Variants in PRR5L observed in about 807,000 individuals in gnomAD.
The protein encoded by PRR5L is proline-rich protein 5-like.
A neutral mutation model predicts 36.4 loss-of-function variants in PRR5L; 21 were observed. The observed-to-expected ratio is 0.58, with a 90% confidence interval of 0.41 to 0.83. The LOEUF (loss-of-function observed/expected upper bound fraction) is 0.83. PRR5L is among the 40% of genes least tolerant of loss of function. The pLI is 0.00. For synonymous variants in PRR5L, 188 were observed against 197.0 expected, an observed-to-expected ratio of 0.95 and a Z score of 0.38; for missense variants, 381 against 473.3, an observed-to-expected ratio of 0.80 and a Z score of 1.81.
At chr11:36,405,415 A>G (rs6484844) in intron 3 of PRR5L, among the ~76,000 whole-genome samples, 34,851 of 152,180 alleles carry the variant, frequency 0.23, 5,670 homozygotes, top group African/African-American at 0.47. Flanking sequence ...TGGATTGAAT[A>G]TGGCCAAGAA....
At chr11:36,438,047 T>C (rs991847334) in intron 6 of PRR5L, among the ~76,000 whole-genome samples, 1 of 152,182 alleles carries the variant, frequency 6.6e-6, no homozygotes, top group Admixed American at 6.5e-5. Flanking sequence ...CTCCATTGTA[T>C]CTCCTACAAA....
intron 2 of PRR5L, 118 bp downstream of exon 2, chr11:36,401,403 A>G: frequency 1.0e-6 from 1 of 976,492 alleles, no homozygotes; most frequent in East Asian, 2.6e-5. Context: ...TATGGGGGTA[A>G]ATAATGACGA....
chr11:36,370,053 T>C (rs1479141579), intron 1 of PRR5L, among the ~76,000 whole-genome samples: 1 of 152,180 alleles, frequency 6.6e-6, no homozygotes, highest in Non-Finnish European at 1.5e-5. Flanking sequence ...ATGGCAGTGG[T>C]GACTTCCCAC....
chr11:36,313,607 T>C (rs1026615064), intron 1 of PRR5L, among the ~76,000 whole-genome samples: 2 of 152,202 alleles, frequency 1.3e-5, no homozygotes, highest in Non-Finnish European at 2.9e-5. Context: ...GACCTGGGAC[T>C]GGACATCTGG....
rs568903516 is a variant in PRR5L at position 36,397,712 on chromosome 11, C to T, written c.-125-3285C>T. Among the ~76,000 whole-genome samples, 18 of 151,850 alleles carry T rather than the reference C, an allele frequency of 1.2e-4. No homozygotes were observed. The East Asian group carries it at 2.7e-3, about 23-fold the overall frequency. ...CCTCAGGTGATCCGCCTGCCTTGGC[C>T]GGGATTACAGACGTGAGTGACTGTG... On this transcript the variant is annotated intron_variant, in intron 1 of 8. Transcript: ENST00000530639.
chr11:36,320,446 T>G (rs992738584), intron 1 of PRR5L, among the ~76,000 whole-genome samples: 2 of 152,116 alleles, frequency 1.3e-5, no homozygotes, highest in African/African-American at 4.8e-5. Context: ...TAAGGGCTCT[T>G]TGAGTGCCAA....
At chr11:36,331,007 T>C (rs2133471995) in intron 1 of PRR5L, among the ~76,000 whole-genome samples, 1 of 152,294 alleles carries the variant, frequency 6.6e-6, no homozygotes, top group Admixed American at 6.5e-5. Flanking sequence ...GGTTACACCA[T>C]GTTGGCCAGG....
At chr11:36,437,349 T>C (rs1285722421) in intron 5 of PRR5L, 36 bp from the exon 6 acceptor site, 1 of 1,343,382 alleles carries the variant, frequency 7.4e-7, no homozygotes. Flanking sequence ...ATTCTTTTCT[T>C]TCTTCCTCCC....
At chr11:36,381,795 G>A (rs1401643050) in intron 1 of PRR5L, 1 of 152,038 alleles carries the variant, frequency 6.6e-6, no homozygotes, top group African/African-American at 2.4e-5. Flanking sequence ...GTACTCTTTT[G>A]TGGTGTTTGG....
chr11:36,389,694 C>T lies in PRR5L; in HGVS notation c.-125-11303C>T, dbSNP rs555240773. On this transcript the variant is annotated intron_variant, in intron 1 of 8. Coordinates refer to ENST00000530639, the MANE Select transcript of PRR5L (RefSeq NM_001160167.2). ...ATGGCACGACCTCGGCTCACTGCAA[C>T]CTCCGCCTTCTGGGTTCAAGCAATT... 2.0e-5 allele frequency among the ~76,000 whole-genome samples: 3 copies of T among 150,232 alleles called. No homozygotes were observed. The South Asian group carries it at 6.3e-4, about 32-fold the overall frequency.
intron 1 of PRR5L, chr11:36,375,883 A>G (rs941140801): frequency 2.0e-5 from 5 of 254,546 alleles, no homozygotes; most frequent in South Asian, 3.9e-5. Context: ...ATTTTCATCA[A>G]TGCACTTAAA....
chr11:36,340,105 CTG>C (rs988985535), intron 1 of PRR5L, among the ~76,000 whole-genome samples: 1 of 152,244 alleles, frequency 6.6e-6, no homozygotes, highest in Non-Finnish European at 1.5e-5. Context: ...GAAGGAGTAA[CTG>C]AGCAAAGGCT....
At chr11:36,379,609 A>G (rs1857334844) in intron 1 of PRR5L, 1 of 152,222 alleles carries the variant, frequency 6.6e-6, no homozygotes, top group African/African-American at 2.4e-5. Context: ...TATTTTGTGG[A>G]TTTTGTACAG....
At chr11:36,328,092 G>A (rs943310078) in intron 1 of PRR5L, among the ~76,000 whole-genome samples, 1 of 152,120 alleles carries the variant, frequency 6.6e-6, no homozygotes, top group Non-Finnish European at 1.5e-5. Context: ...AGACAGATTA[G>A]CAATATTCAT....
At position 36,370,871 on chromosome 11, in the gene PRR5L, A is replaced by G. The variant is rs898951509; in HGVS notation, c.-125-30126A>G. ...ACTCCAGCCTGGGCAACAGTGGGAG[A>G]CTCCATCTCAAAAAAAAAAACAAAC... is the stretch of plus-strand genomic sequence containing the variant. On this transcript the variant is annotated intron_variant, in intron 1 of 8. Transcript: ENST00000530639. Among the ~76,000 whole-genome samples the G allele has an allele frequency of 1.2e-4, 10 of 84,496 alleles. 1 individual carries two copies. In the Admixed American group the frequency reaches 1.4e-3, roughly 12 times the overall value. The allele number at this position is 84,496 out of a possible 152,430, so 55.4% of individuals were successfully genotyped here. A position where few individuals can be genotyped will look rare whatever the true frequency, so the allele number is the denominator to read the frequency against.
Position 36,427,227 on chromosome 11 carries a change from C to T in PRR5L, c.295-4626C>T, listed in dbSNP as rs146163823. On this transcript the variant is annotated intron_variant, in intron 4 of 8. Transcript: ENST00000530639. ...CGTCAGCTGTTTTTCTTTTTCACTT[C>T]CATCTCCTTTGCCACTTCATTATAG... Among the ~76,000 whole-genome samples the T allele has an allele frequency of 9.3e-4, 142 of 152,326 alleles. 1 individual carries two copies. Among genetic ancestry groups the T allele is most frequent in the African/African-American group, 3.0e-3 (124 of 41,582 alleles).
intron 3 of PRR5L, among the ~76,000 whole-genome samples, chr11:36,411,805 A>G (rs574313774): frequency 1.3e-5 from 2 of 152,190 alleles, no homozygotes; most frequent in South Asian, 4.2e-4. Context: ...GGCCCTACCT[A>G]ACATATTACC....
intron 4 of PRR5L, among the ~76,000 whole-genome samples, chr11:36,420,834 A>AACACACACACACACACACACACACACAC: frequency 7.2e-6 from 1 of 139,406 alleles, no homozygotes; most frequent in Non-Finnish European, 1.6e-5. Context: ...CAGTTGTTTA[A>AACACACACACACACACACACACACACAC]ACACACACAC....
At chr11:36,376,280 G>C (rs1857257355) in intron 1 of PRR5L, 1 of 1,167,552 alleles carries the variant, frequency 8.6e-7, no homozygotes, top group Non-Finnish European at 1.1e-6. Flanking sequence ...CTAGGTGCCC[G>C]GGACAGGAAA....
Sources: gnomAD v4.1 joint callset for allele counts (sites outside exome capture counted in the v4.1 genomes callset) on GRCh38, gnomAD v4.1.1 for gene constraint, MANE v1.5 for transcripts, NCBI Gene and HGNC (gene_info 2026-07-23, HGNC 2026-07-21) for gene names.